Variants in RAD51B observed in about 807,000 individuals in gnomAD.
RAD51B encodes RAD51 paralog B, also known as DNA repair protein RAD51 homolog 2.
Under a neutral mutation model 42.2 loss-of-function variants are expected in RAD51B, and 38 were observed. The ratio of observed to expected loss-of-function variants is 0.90; its 90% confidence interval spans 0.70 to 1.18. The LOEUF (loss-of-function observed/expected upper bound fraction) is 1.18, where lower values mean the gene tolerates loss of function less well. Ranked by LOEUF, RAD51B falls within the 50% of genes most tolerant of loss-of-function variation. The pLI, the probability that RAD51B is intolerant of heterozygous loss-of-function variation, is 0.00. For missense variants in RAD51B, 373 were observed against 400.7 expected, an observed-to-expected ratio of 0.93 and a Z score of 0.59; for synonymous variants, 154 against 145.2, an observed-to-expected ratio of 1.06 and a Z score of -0.43.
At chr14:68,531,975 A>C (rs1887338491) in intron 10 of RAD51B, among the ~76,000 whole-genome samples, 1 of 152,212 alleles carries the variant, frequency 6.6e-6, no homozygotes. Flanking sequence ...ACAGAGAGAG[A>C]CCCTATCTCA....
chr14:68,235,748 C>T (rs996037943), intron 7 of RAD51B, among the ~76,000 whole-genome samples: 1 of 149,800 alleles, frequency 6.7e-6, no homozygotes, highest in Admixed American at 6.6e-5. Context: ...GAGATCTTAC[C>T]TGCGTGCATG....
At chr14:68,350,539 C>A (rs776047198) in intron 8 of RAD51B, among the ~76,000 whole-genome samples, 2 of 152,164 alleles carry the variant, frequency 1.3e-5, no homozygotes, top group Non-Finnish European at 2.9e-5. Context: ...GCCTCCCTTC[C>A]CCGAGTCTTA....
intron 7 of RAD51B, among the ~76,000 whole-genome samples, chr14:68,047,738 A>G (rs2076326066): frequency 6.6e-6 from 1 of 152,212 alleles, no homozygotes; most frequent in African/African-American, 2.4e-5. Flanking sequence ...CCTTGAGCTT[A>G]TATTTCAGGG....
At position 68,313,496 on chromosome 14, in the gene RAD51B, G is replaced by A. The variant is rs554783318; in HGVS notation, c.853+21516G>A. 2.0e-5 allele frequency among the ~76,000 whole-genome samples: 3 copies of A among 152,276 alleles called. No homozygotes were observed. The South Asian group carries it at 6.2e-4, about 32-fold the overall frequency. On this transcript the variant is annotated intron_variant, in intron 8 of 10. Transcript: ENST00000471583. ...GCCCAACTCCCACCAGCTGAGTCGG[G>A]GGATGGCTTCCCTTTAGTTCCGCTG...
intron 8 of RAD51B, among the ~76,000 whole-genome samples, chr14:68,408,734 A>G (rs2084344045): frequency 6.6e-6 from 1 of 152,246 alleles, no homozygotes; most frequent in African/African-American, 2.4e-5. Flanking sequence ...AAAAAATCAT[A>G]TCACTATGAT....
At chr14:68,135,997 CTTATA>C (rs947941948) in intron 7 of RAD51B, among the ~76,000 whole-genome samples, 8 of 151,980 alleles carry the variant, frequency 5.3e-5, no homozygotes, top group African/African-American at 1.9e-4. Flanking sequence ...AATCTTGGTC[CTTATA>C]TTATTTATAA....
chr14:67,928,536 A>G (rs928255652), intron 7 of RAD51B, among the ~76,000 whole-genome samples: 3 of 151,978 alleles, frequency 2.0e-5, no homozygotes, highest in Non-Finnish European at 4.4e-5. Context: ...TGGCCCTCCC[A>G]CCTTCGTCCT....
chr14:68,607,763 C>T (rs1003026938), intron 10 of RAD51B, among the ~76,000 whole-genome samples: 3 of 152,158 alleles, frequency 2.0e-5, no homozygotes, highest in African/African-American at 7.2e-5. Flanking sequence ...CCCGGGGAGG[C>T]GCACTCTAAG....
At chr14:68,610,913 G>A in intron 10 of RAD51B, 1 of 615,710 alleles carries the variant, frequency 1.6e-6, no homozygotes, top group Non-Finnish European at 3.0e-6. Flanking sequence ...TAACCCTGCA[G>A]GCCATGAACA....
At chr14:68,288,881 A>C (rs2081462848) in intron 7 of RAD51B, among the ~76,000 whole-genome samples, 1 of 152,230 alleles carries the variant, frequency 6.6e-6, no homozygotes, top group Non-Finnish European at 1.5e-5. Context: ...TAGATCTCTC[A>C]GAAGTTCCAC....
chr14:68,379,192 C>A (rs117222250), intron 8 of RAD51B, among the ~76,000 whole-genome samples: 3,110 of 152,224 alleles, frequency 0.02, 39 homozygotes, highest in Middle Eastern at 0.054. Flanking sequence ...TCACCCAGTC[C>A]GGTTCCTGGT....
intron 7 of RAD51B, among the ~76,000 whole-genome samples, chr14:68,012,456 C>T (rs79298179): frequency 0.17 from 26,100 of 151,212 alleles, 2,393 homozygotes; most frequent in Middle Eastern, 0.35. Flanking sequence ...CTAGAGAGAG[C>T]GAGAGAGGAG....
intron 10 of RAD51B, among the ~76,000 whole-genome samples, chr14:68,522,072 T>A (rs1261229451): frequency 2.0e-5 from 3 of 152,178 alleles, no homozygotes; most frequent in African/African-American, 7.2e-5. Context: ...GGCTGAAATT[T>A]GAAGCAGCGT....
chr14:68,263,484 A>G (rs1425703519), intron 7 of RAD51B, among the ~76,000 whole-genome samples: 1 of 152,226 alleles, frequency 6.6e-6, no homozygotes, highest in Non-Finnish European at 1.5e-5. Flanking sequence ...AAGGTCTTAG[A>G]ACTTAAATCT....
chr14:68,220,216 G>A (rs2079896816), intron 7 of RAD51B, among the ~76,000 whole-genome samples: 1 of 152,202 alleles, frequency 6.6e-6, no homozygotes, highest in South Asian at 2.1e-4. Flanking sequence ...AATAATTGGT[G>A]TTCCCAAGAA....
intron 4 of RAD51B, among the ~76,000 whole-genome samples, chr14:67,846,678 G>A (rs1371073262): frequency 6.6e-6 from 1 of 152,184 alleles, no homozygotes; most frequent in Non-Finnish European, 1.5e-5. Flanking sequence ...TACACTGCAA[G>A]TGTGCTCCAC....
intron 7 of RAD51B, among the ~76,000 whole-genome samples, chr14:68,051,874 ATGTG>A (rs72459876): frequency 6.0e-5 from 9 of 148,800 alleles, no homozygotes; most frequent in South Asian, 2.1e-4. Flanking sequence ...CCTCCCACAT[ATGTG>A]TGTGTGTGTG....
chr14:68,623,367 C>T (rs558599169), intron 10 of RAD51B, among the ~76,000 whole-genome samples: 7 of 152,322 alleles, frequency 4.6e-5, no homozygotes, highest in East Asian at 1.9e-4. Context: ...CAACAAGCAT[C>T]TTCTTTCCCT....
At chr14:68,354,144 C>G (rs979891773) in intron 8 of RAD51B, among the ~76,000 whole-genome samples, 4 of 151,168 alleles carry the variant, frequency 2.6e-5, no homozygotes, top group African/African-American at 9.8e-5. Context: ...CTTTGTGGTG[C>G]TATATAGGTG....
Sources: gnomAD v4.1 joint callset for allele counts (sites outside exome capture counted in the v4.1 genomes callset) on GRCh38, gnomAD v4.1.1 for gene constraint, MANE v1.5 for transcripts, NCBI Gene and HGNC (gene_info 2026-07-23, HGNC 2026-07-21) for gene names.